MAP4K4: variants seen among roughly 807,000 people sequenced by gnomAD.
MAP4K4 encodes the protein mitogen-activated protein kinase kinase kinase kinase 4.
MAP4K4 carries 38 observed loss-of-function variants against 189.6 expected under a neutral mutation model. The ratio of observed to expected loss-of-function variants is 0.20; its 90% CI spans 0.15 to 0.26. The LOEUF (loss-of-function observed/expected upper bound fraction) is 0.26. MAP4K4 is among the 10% of genes least tolerant of loss of function. MAP4K4 has a pLI of 1.00. For missense variants in MAP4K4, 1,054 were observed against 1,726.9 expected, an observed-to-expected ratio of 0.61 and a Z score of 6.91; for synonymous variants, 610 against 624.3, an observed-to-expected ratio of 0.98 and a Z score of 0.34.
intron 2 of MAP4K4, among the ~76,000 whole-genome samples, chr2:101,730,581 G>A (rs2057988357): frequency 1.3e-5 from 2 of 152,114 alleles, no homozygotes; most frequent in South Asian, 4.1e-4. Flanking sequence ...AGCTCTGGTG[G>A]GATGAATGCC....
intron 28 of MAP4K4, 53 bp downstream of exon 28, chr2:101,882,738 A>T (rs921724225): frequency 6.9e-7 from 1 of 1,448,000 alleles, no homozygotes; most frequent in African/African-American, 1.4e-5. Context: ...TTAGAGTTTG[A>T]ATTTTAAACT....
chr2:101,866,555 TCCGGGGAA>T lies in MAP4K4; in HGVS notation c.2334_2341del (p.Gly779LeufsTer10). The T allele has an allele frequency of 6.2e-7, 1 of 1,613,464 alleles. No homozygotes were observed. Among genetic ancestry groups the T allele is most frequent in the Non-Finnish European group, 8.5e-7 (1 of 1,179,604 alleles). On this transcript the variant is annotated frameshift_variant, in exon 19 of 33. Transcript: ENST00000324219. LOFTEE classifies it high-confidence loss of function. ...GTCTCACCCTGGGTCTCAGAGTGGC[TCCGGGGAA>T]CGCTTCAGAGTGAGATGTAAGCTGC...
intron 3 of MAP4K4, among the ~76,000 whole-genome samples, chr2:101,810,573 AT>A (rs1379995500): frequency 1.3e-5 from 2 of 152,086 alleles, no homozygotes; most frequent in South Asian, 2.1e-4. Flanking sequence ...AGGTTTTATG[AT>A]TTTCCCCCCC....
intron 2 of MAP4K4, among the ~76,000 whole-genome samples, chr2:101,741,641 CTAAACA>C (rs1558673923): frequency 6.6e-6 from 1 of 151,894 alleles, no homozygotes; most frequent in African/African-American, 2.4e-5. Flanking sequence ...TATAATCCAG[CTAAACA>C]TAAAGTTATT....
chr2:101,888,196 A>G lies in MAP4K4; in HGVS notation c.3931+259A>G, dbSNP rs529508733. The stretch of plus-strand genomic sequence containing the variant: ...CTCTCATTTAATCCTTAAAACATCC[A>G]GAGGAATATCGGACATGTTTTTGTT... On this transcript the variant is annotated intron_variant, in intron 31 of 32. Transcript: ENST00000324219. 1.5e-3 allele frequency among the ~76,000 whole-genome samples: 230 copies of G among 152,206 alleles called. 1 individual carries two copies. The highest frequency in any genetic ancestry group is 2.5e-3 in the Non-Finnish European group (168 of 68,026).
chr2:101,714,703 TTCCCTATAAACTCTGA>T (rs2047478110), intron 2 of MAP4K4, among the ~76,000 whole-genome samples: 2 of 152,178 alleles, frequency 1.3e-5, no homozygotes. Flanking sequence ...TTCTGATAAT[TTCCCTATAAACTCTGA>T]TACGTAAATG....
intron 26 of MAP4K4, among the ~76,000 whole-genome samples, chr2:101,875,202 A>G (rs1029962299): frequency 6.6e-6 from 1 of 152,238 alleles, no homozygotes; most frequent in Non-Finnish European, 1.5e-5. Context: ...TTGCCTAGAT[A>G]TATGCAGGGA....
At chr2:101,876,691 T>C (rs2098216195) in intron 26 of MAP4K4, among the ~76,000 whole-genome samples, 1 of 152,220 alleles carries the variant, frequency 6.6e-6, no homozygotes, top group Non-Finnish European at 1.5e-5. Context: ...AATCAGCATA[T>C]AACATTCTCG....
intron 18 of MAP4K4, among the ~76,000 whole-genome samples, 152 bp downstream of exon 18, chr2:101,865,188 C>T (rs763235408): frequency 6.6e-6 from 1 of 152,196 alleles, no homozygotes; most frequent in African/African-American, 2.4e-5. Flanking sequence ...AATCCATCAA[C>T]GTGGATGGCA....
chr2:101,864,825 T>A, intron 17 of MAP4K4, 105 bp from the exon 18 acceptor site: 1 of 730,814 alleles, frequency 1.4e-6, no homozygotes, highest in South Asian at 1.8e-5. Context: ...TAGGAAGGAC[T>A]GCTTTTAAAT....
At chr2:101,851,964 T>A (rs1379655905) in intron 12 of MAP4K4, among the ~76,000 whole-genome samples, 1 of 152,014 alleles carries the variant, frequency 6.6e-6, no homozygotes, top group East Asian at 1.9e-4. Context: ...CTCAAATAGA[T>A]GGATTAGTTG....
chr2:101,742,222 G>A (rs538853153), intron 2 of MAP4K4, among the ~76,000 whole-genome samples: 10 of 152,232 alleles, frequency 6.6e-5, no homozygotes, highest in South Asian at 2.1e-4. Context: ...GAATCTGAGC[G>A]CTGAAATTTC....
At chr2:101,859,194 A>G (rs2097561151) in intron 14 of MAP4K4, 112 bp downstream of exon 14, 1 of 800,974 alleles carries the variant, frequency 1.2e-6, no homozygotes, top group Non-Finnish European at 2.1e-6. Context: ...GTGGGCAGCC[A>G]GGCTGAAATA....
intron 2 of MAP4K4, among the ~76,000 whole-genome samples, chr2:101,700,980 G>A (rs1217322031): frequency 6.6e-6 from 1 of 151,724 alleles, no homozygotes; most frequent in Non-Finnish European, 1.5e-5. Flanking sequence ...GGTAGATTTG[G>A]GATTACATTA....
At chr2:101,785,090 G>A (rs2089963717) in intron 2 of MAP4K4, among the ~76,000 whole-genome samples, 1 of 152,200 alleles carries the variant, frequency 6.6e-6, no homozygotes, top group Non-Finnish European at 1.5e-5. Flanking sequence ...TGCTGGAGTT[G>A]ATGCTGTGTG....
rs1183231295 is a variant in MAP4K4, at chr2:101,698,542, G to A, written c.123+4G>A. 1.2e-6 allele frequency: 2 copies of A among 1,613,010 alleles called. No homozygotes were observed. Among genetic ancestry groups the A allele is most frequent in the Non-Finnish European group, 1.7e-6 (2 of 1,179,350 alleles). On this transcript the variant is annotated splice_donor_region_variant and intron_variant, in intron 2 of 32. Coordinates refer to ENST00000324219, the Ensembl canonical transcript of MAP4K4. Reference sequence around the variant, plus strand: ...CACCTATGGACAAGTCTATAAGGTCGGTGTGGGCGCCTTCTTTGTTTCCCG... The same window carrying A: ...CACCTATGGACAAGTCTATAAGGTCAGTGTGGGCGCCTTCTTTGTTTCCCG...
In MAP4K4 at chr2:101,810,708, T is replaced by A. The variant is rs545585767; in HGVS notation, c.181-13220T>A. ...GAGGCATATCTTTTTTTCCTTTTAG[T>A]TTTGAGGTTTTCTTTTTAAAAGTTC... On this transcript the variant is annotated intron_variant, in intron 3 of 32. Coordinates refer to ENST00000324219, the Ensembl canonical transcript of MAP4K4. 1.6e-3 allele frequency among the ~76,000 whole-genome samples: 241 copies of A among 152,316 alleles called. 5 individuals carry two copies. In the South Asian group the frequency reaches 0.034, roughly 22 times the overall value.
In MAP4K4 at chr2:101,802,011, A is replaced by G. The variant is rs140785557; in HGVS notation, c.180+11235A>G. Among the ~76,000 whole-genome samples, 101 of 152,252 alleles carry G rather than the reference A, an allele frequency of 6.6e-4. 1 individual carries two copies. The East Asian group carries it at 0.017, about 26-fold the overall frequency. ...ATCCTATTGGTTCTGCCTTCAAACT[A>G]TGTCATTTGTGTCAGAATAATCTTG... On this transcript the variant is annotated intron_variant, in intron 3 of 32. Coordinates refer to ENST00000324219, the Ensembl canonical transcript of MAP4K4.
At chr2:101,721,162 A>C (rs989154835) in intron 2 of MAP4K4, among the ~76,000 whole-genome samples, 3 of 152,234 alleles carry the variant, frequency 2.0e-5, no homozygotes, top group Non-Finnish European at 4.4e-5. Flanking sequence ...GAGGTTTAAA[A>C]AAGAGAATAA....
Sources: allele counts gnomAD v4.1 joint callset (sites outside exome capture counted in the v4.1 genomes callset), GRCh38; gene constraint gnomAD v4.1.1; transcripts MANE v1.5; gene names NCBI Gene and HGNC (gene_info 2026-07-23, HGNC 2026-07-21).